PDSS1: variants seen among roughly 807,000 people sequenced by gnomAD.
PDSS1 encodes decaprenyl diphosphate synthase subunit 1.
In PDSS1, 43 loss-of-function variants were observed where a neutral mutation model predicts 57.5. That is an observed-to-expected ratio of 0.75 (90% CI 0.59 to 0.96). PDSS1 has a LOEUF of 0.96. Ranked by LOEUF, PDSS1 falls within the 50% of genes least tolerant of loss-of-function variation. The probability of loss-of-function intolerance (pLI) is 0.00; values close to 1 mark genes in which losing one functional copy is unlikely to be tolerated. For missense variants in PDSS1, 438 were observed against 527.8 expected, an observed-to-expected ratio of 0.83 and a Z score of 1.67; for synonymous variants, 175 against 191.3, an observed-to-expected ratio of 0.91 and a Z score of 0.70.
chr10:26,735,624 C>T (rs761004392), intron 10 of PDSS1, 45 bp downstream of exon 10: 2 of 1,068,392 alleles, frequency 1.9e-6, no homozygotes, highest in East Asian at 4.7e-5. Flanking sequence ...CATAGCCCCA[C>T]AGAACTGATG....
intron 11 of PDSS1, among the ~76,000 whole-genome samples, chr10:26,744,484 G>A (rs1474814674): frequency 3.3e-5 from 5 of 151,942 alleles, no homozygotes; most frequent in South Asian, 2.1e-4. Context: ...TCCGCCTCCC[G>A]GGTTCAAGTG....
chr10:26,709,528 T>G, intron 4 of PDSS1, 110 bp from the exon 5 acceptor site: 1 of 1,079,294 alleles, frequency 9.3e-7, no homozygotes, highest in Non-Finnish European at 1.4e-6. Context: ...TCCATTGCAC[T>G]CCAGTCTGGG....
intron 10 of PDSS1, among the ~76,000 whole-genome samples, chr10:26,737,947 G>C (rs1412866388): frequency 6.6e-6 from 1 of 152,166 alleles, no homozygotes; most frequent in Non-Finnish European, 1.5e-5. Context: ...ACACAGAATG[G>C]AGTCCAAGCA....
chr10:26,727,806 A>G lies in PDSS1; in HGVS notation c.831+3683A>G, dbSNP rs1836009591. ...GGATTTCACGTTGCATTTTGCTGTC[A>G]TGACTCTGTAGTCTCTTGTCATCTA... On this transcript the variant is annotated intron_variant, in intron 8 of 11. Transcript: ENST00000376215. Among the ~76,000 whole-genome samples, 7 of 152,276 alleles carry G rather than the reference A, an allele frequency of 4.6e-5. No individual in the cohort carries two copies. The South Asian group carries it at 1.5e-3, about 32-fold the overall frequency.
chr10:26,717,661 G>A (rs756999739), intron 5 of PDSS1: 13 of 152,092 alleles, frequency 8.5e-5, no homozygotes, highest in Admixed American at 2.6e-4. Flanking sequence ...CAATTTCATT[G>A]CAACTTCTCA....
Position 26,735,329 on chromosome 10 carries a change from G to C in PDSS1, c.912+9G>C, listed in dbSNP as rs771257367. The stretch of plus-strand genomic sequence containing the variant: ...TAGGAATAGCTTTTCAGGTTAGTAT[G>C]CTTTTTATTTGTAAGAATGGTGGCG... On this transcript the variant is annotated intron_variant, in intron 9 of 11. Transcript: ENST00000376215. 5.7e-6 allele frequency: 9 copies of C among 1,590,776 alleles called. No homozygotes were observed. The highest frequency in any genetic ancestry group is 6.9e-6 in the Non-Finnish European group (8 of 1,158,656).
chr10:26,727,336 CTCTCTTTT>C (rs2132278137), intron 8 of PDSS1, among the ~76,000 whole-genome samples: 1 of 113,552 alleles, frequency 8.8e-6, no homozygotes, highest in African/African-American at 3.2e-5. Flanking sequence ...CTCTCTCTCT[CTCTCTTTT>C]TTTTTTTTTT....
At chr10:26,719,235 T>C (rs907726056) in intron 5 of PDSS1, among the ~76,000 whole-genome samples, 15 of 152,332 alleles carry the variant, frequency 9.8e-5, no homozygotes, top group African/African-American at 3.1e-4. Flanking sequence ...AAATTTAGTT[T>C]TTAAAAATTG....
chr10:26,737,722 CAAAAAAAAAA>C (rs200552153), intron 10 of PDSS1, among the ~76,000 whole-genome samples: 2 of 73,558 alleles, frequency 2.7e-5, no homozygotes, highest in Non-Finnish European at 5.4e-5. Context: ...GACTCCGTCT[CAAAAAAAAAA>C]AAAAAAAAAA....
At chr10:26,742,650 C>T (rs2132320400) in intron 11 of PDSS1, 73 bp downstream of exon 11, 1 of 839,886 alleles carries the variant, frequency 1.2e-6, no homozygotes, top group East Asian at 2.5e-5. Context: ...AAAAATGTAA[C>T]ATTAACTAAA....
intron 2 of PDSS1, among the ~76,000 whole-genome samples, chr10:26,704,083 C>CAAAAAAAAAAAAAAAAAAAAAA (rs1203931422): frequency 0.016 from 488 of 30,852 alleles, 80 homozygotes; most frequent in Non-Finnish European, 0.023. Context: ...CTCCGTCTCA[C>CAAAAAAAAAAAAAAAAAAAAAA]AAAAAAAAAA....
chr10:26,737,859 T>A (rs550475727), intron 10 of PDSS1, among the ~76,000 whole-genome samples: 1 of 152,086 alleles, frequency 6.6e-6, no homozygotes, highest in Admixed American at 6.6e-5. Flanking sequence ...CACCTACTCA[T>A]GCTCACCAGA....
At chr10:26,707,339 C>CAAT (rs1158357679) in intron 4 of PDSS1, among the ~76,000 whole-genome samples, 3 of 152,132 alleles carry the variant, frequency 2.0e-5, no homozygotes, top group Admixed American at 1.3e-4. Flanking sequence ...GTTTTTGTAT[C>CAAT]TATTGAGAGA....
chr10:26,727,340 CTT>C (rs71403885), intron 8 of PDSS1, among the ~76,000 whole-genome samples: 58 of 100,638 alleles, frequency 5.8e-4, no homozygotes, highest in Middle Eastern at 5.7e-3. Context: ...CTCTCTCTCT[CTT>C]TTTTTTTTTT....
At chr10:26,709,519 C>G (rs1334869637) in intron 4 of PDSS1, 119 bp from the exon 5 acceptor site, 3 of 963,474 alleles carry the variant, frequency 3.1e-6, no homozygotes, top group Non-Finnish European at 5.0e-6. Flanking sequence ...TGAGATCGTT[C>G]CATTGCACTC....
intron 10 of PDSS1, chr10:26,740,712 C>G (rs1208468257): frequency 2.2e-6 from 1 of 456,698 alleles, no homozygotes; most frequent in South Asian, 1.5e-5. Flanking sequence ...ACACATCTTA[C>G]CTCTTCCGTG....
chr10:26,731,297 C>T lies in PDSS1; in HGVS notation c.832-3943C>T, dbSNP rs1434230102. On this transcript the variant is annotated intron_variant, in intron 8 of 11. Coordinates refer to ENST00000376215, the MANE Select transcript of PDSS1 (RefSeq NM_014317.5). ...TGGAGGTTGTAGTGAGCCAAGATCA[C>T]GTCACTGCACTCCAGCATGGGCGAC... Among the ~76,000 whole-genome samples, 6 of 152,190 alleles carry T rather than the reference C, an allele frequency of 3.9e-5. No homozygotes were observed. In the South Asian group the frequency reaches 8.3e-4, roughly 21 times the overall value.
intron 4 of PDSS1, among the ~76,000 whole-genome samples, chr10:26,707,647 C>T (rs1835281553): frequency 6.6e-6 from 1 of 152,188 alleles, no homozygotes; most frequent in Admixed American, 6.5e-5. Flanking sequence ...TTTAATTTTG[C>T]CATTCCCTGG....
chr10:26,740,496 G>A (rs544323719), intron 10 of PDSS1: 2 of 399,196 alleles, frequency 5.0e-6, no homozygotes, highest in East Asian at 7.2e-5. Context: ...CATGTTTAGA[G>A]CTTTGTTCTG....
Sources: allele counts gnomAD v4.1 joint callset (sites outside exome capture counted in the v4.1 genomes callset), GRCh38; gene constraint gnomAD v4.1.1; transcripts MANE v1.5; gene names NCBI Gene and HGNC (gene_info 2026-07-23, HGNC 2026-07-21).